PIP4K2A: variants seen among roughly 807,000 people sequenced by gnomAD.
The protein encoded by PIP4K2A is phosphatidylinositol-5-phosphate 4-kinase type 2 alpha.
Under a neutral mutation model 42.9 loss-of-function variants are expected in PIP4K2A, and 14 were observed. The ratio of observed to expected loss-of-function variants is 0.33; its 90% CI spans 0.22 to 0.51. The LOEUF (loss-of-function observed/expected upper bound fraction) is 0.51. Among genes scored for constraint, PIP4K2A ranks in the 20% least tolerant of loss-of-function variants. The pLI is 0.97. For synonymous variants in PIP4K2A, 192 were observed against 192.2 expected (o/e 1.00, Z 0.01); for missense variants, 434 against 519.8 (o/e 0.83, Z 1.61).
intron 6 of PIP4K2A, among the ~76,000 whole-genome samples, chr10:22,553,788 AC>A (rs1836467353): frequency 9.1e-6 from 1 of 109,380 alleles, no homozygotes; most frequent in South Asian, 3.3e-4. Flanking sequence ...AGGTTGAAAA[AC>A]TTTTTTTTTT....
intron 1 of PIP4K2A, among the ~76,000 whole-genome samples, chr10:22,666,840 T>C (rs967262253): frequency 6.6e-6 from 1 of 152,182 alleles, no homozygotes; most frequent in African/African-American, 2.4e-5. Flanking sequence ...AATAGTCCTA[T>C]ACCGATAGGA....
intron 1 of PIP4K2A, among the ~76,000 whole-genome samples, chr10:22,642,672 T>C (rs1270304723): frequency 7.9e-6 from 1 of 126,438 alleles, no homozygotes; most frequent in Admixed American, 9.0e-5. Context: ...AGTGTATTTA[T>C]AGCACATCAA....
At chr10:22,648,574 T>G (rs1195072478) in intron 1 of PIP4K2A, among the ~76,000 whole-genome samples, 2 of 152,198 alleles carry the variant, frequency 1.3e-5, no homozygotes, top group Non-Finnish European at 2.9e-5. Flanking sequence ...ATACTATCTC[T>G]GATTTTGCAG....
intron 1 of PIP4K2A, among the ~76,000 whole-genome samples, chr10:22,673,423 A>G (rs1335697210): frequency 2.0e-5 from 3 of 152,226 alleles, no homozygotes; most frequent in Non-Finnish European, 4.4e-5. Flanking sequence ...AGGTAGACCT[A>G]GAACTAGAAC....
Position 22,540,137 on chromosome 10 carries a change from TGAGGGAGG to T in PIP4K2A, c.1037-71_1037-64del, listed in dbSNP as rs369533218. ...ACAACACCAGTGCCAGCATTGCTGC[TGAGGGAGG>T]GAGGGAGGGAGAAGTGAGCCTGGAG... is the stretch of plus-strand genomic sequence containing the variant. On this transcript the variant is annotated intron_variant, in intron 8 of 9. Coordinates refer to ENST00000376573, the MANE Select transcript of PIP4K2A (RefSeq NM_005028.5). 2.0e-5 allele frequency: 15 copies of T among 759,450 alleles called. 1 individual carries two copies. The highest frequency in any genetic ancestry group is 9.5e-5 in the South Asian group (7 of 73,550). The allele number at this position is 759,450 out of a possible 1,614,324, so 47.0% of individuals were successfully genotyped here.
At chr10:22,540,978 C>T (rs1176732726) in intron 8 of PIP4K2A, among the ~76,000 whole-genome samples, 1 of 152,154 alleles carries the variant, frequency 6.6e-6, no homozygotes, top group African/African-American at 2.4e-5. Flanking sequence ...AACTCAGATC[C>T]TCAGCTGATA....
chr10:22,690,081 T>C (rs1839833678), intron 1 of PIP4K2A, among the ~76,000 whole-genome samples: 1 of 152,204 alleles, frequency 6.6e-6, no homozygotes, highest in South Asian at 2.1e-4. Context: ...TTATTCACAC[T>C]ACAGCAGCAG....
intron 5 of PIP4K2A, among the ~76,000 whole-genome samples, chr10:22,570,284 G>A (rs879399564): frequency 6.6e-5 from 10 of 152,196 alleles, no homozygotes; most frequent in Admixed American, 2.6e-4. Context: ...ATGAAGAGAC[G>A]GAGGGTCATA....
chr10:22,567,046 C>T (rs1382579546), intron 6 of PIP4K2A, among the ~76,000 whole-genome samples: 1 of 152,146 alleles, frequency 6.6e-6, no homozygotes, highest in Non-Finnish European at 1.5e-5. Flanking sequence ...TCTAAAAGAA[C>T]AACTTTCAAA....
intron 1 of PIP4K2A, among the ~76,000 whole-genome samples, chr10:22,679,319 A>G (rs1839617832): frequency 6.6e-6 from 1 of 152,220 alleles, no homozygotes; most frequent in Admixed American, 6.5e-5. Context: ...TACCTCCTCA[A>G]TATCATCAGT....
chr10:22,633,506 A>G (rs1481009169), intron 1 of PIP4K2A, among the ~76,000 whole-genome samples: 1 of 152,098 alleles, frequency 6.6e-6, no homozygotes, highest in Non-Finnish European at 1.5e-5. Flanking sequence ...AAGGAGAGGG[A>G]AAAAATATAA....
At position 22,584,196 on chromosome 10, in the gene PIP4K2A, G is replaced by A. The variant is rs372673414; in HGVS notation, c.492+7433C>T. Among the ~76,000 whole-genome samples the A allele has an allele frequency of 1.2e-4, 19 of 152,230 alleles. No individual in the cohort carries two copies. In the East Asian group the frequency reaches 3.3e-3, roughly 26 times the overall value. Reference sequence around the variant, plus strand: ...AGTTTTGAATAGTTACGTACAAAACGTGTAAAGAAACAAAGGATGCAATTT... The same window carrying A: ...AGTTTTGAATAGTTACGTACAAAACATGTAAAGAAACAAAGGATGCAATTT... On this transcript the variant is annotated intron_variant, in intron 4 of 9. Transcript: ENST00000376573.
chr10:22,691,464 G>A (rs1839865725), intron 1 of PIP4K2A, among the ~76,000 whole-genome samples: 1 of 49,246 alleles, frequency 2.0e-5, no homozygotes, highest in African/African-American at 3.5e-4. Context: ...TTTATACCAG[G>A]GAGACTTGTT....
At chr10:22,631,584 G>A (rs917919156) in intron 1 of PIP4K2A, among the ~76,000 whole-genome samples, 6 of 152,056 alleles carry the variant, frequency 3.9e-5, no homozygotes, top group African/African-American at 9.7e-5. Context: ...TTTTGGTGGT[G>A]GGTCTAAGCA....
At chr10:22,603,840 G>A (rs563379779) in intron 3 of PIP4K2A, among the ~76,000 whole-genome samples, 1 of 152,136 alleles carries the variant, frequency 6.6e-6, no homozygotes, top group Non-Finnish European at 1.5e-5. Flanking sequence ...AAAGTATGAC[G>A]ATGGATATCA....
At chr10:22,581,956 A>T (rs963396651) in intron 4 of PIP4K2A, among the ~76,000 whole-genome samples, 3 of 152,128 alleles carry the variant, frequency 2.0e-5, no homozygotes, top group Non-Finnish European at 4.4e-5. Context: ...TACAAAAAAA[A>T]ATAAAAGAAA....
At chr10:22,567,767 G>A (rs1836882503) in intron 6 of PIP4K2A, 84 bp downstream of exon 6, 7 of 1,150,804 alleles carry the variant, frequency 6.1e-6, no homozygotes, top group Admixed American at 1.7e-5. Context: ...GCAGGGGTGG[G>A]AGACTAGAAA....
chr10:22,579,140 G>A (rs536863460), intron 4 of PIP4K2A, among the ~76,000 whole-genome samples: 3 of 152,136 alleles, frequency 2.0e-5, no homozygotes, highest in African/African-American at 7.2e-5. Context: ...GTTTAAGGAT[G>A]TTAATCTTAA....
chr10:22,706,489 C>A (rs1833825256), intron 1 of PIP4K2A, among the ~76,000 whole-genome samples: 1 of 152,208 alleles, frequency 6.6e-6, no homozygotes, highest in Non-Finnish European at 1.5e-5. Flanking sequence ...AGCCCTTCAC[C>A]GACGTCATGC....
Sources: gnomAD v4.1 joint callset for allele counts (sites outside exome capture counted in the v4.1 genomes callset) on GRCh38, gnomAD v4.1.1 for gene constraint, MANE v1.5 for transcripts, NCBI Gene and HGNC (gene_info 2026-07-23, HGNC 2026-07-21) for gene names.